The following FSTL5 variants were observed in gnomAD, a reference collection of about 807,000 sequenced individuals.
FSTL5 encodes follistatin-related protein 5.
FSTL5 carries 62 observed loss-of-function variants against 89.1 expected under a neutral mutation model. The ratio of observed to expected loss-of-function variants is 0.70; its 90% confidence interval spans 0.57 to 0.86. The LOEUF is 0.86. FSTL5 is among the 40% of genes least tolerant of loss of function. FSTL5 has a pLI of 0.00. For missense variants in FSTL5, 1,057 were observed against 1,001.6 expected, an observed-to-expected ratio of 1.06 and a Z score of -0.75; for synonymous variants, 383 against 346.2, an observed-to-expected ratio of 1.11 and a Z score of -1.18.
intron 3 of FSTL5, among the ~76,000 whole-genome samples, chr4:162,016,025 C>T (rs1736906920): frequency 6.6e-6 from 1 of 152,122 alleles, no homozygotes; most frequent in Non-Finnish European, 1.5e-5. Context: ...TACTACTTTT[C>T]TCACAGATAC....
chr4:161,431,737 A>G (rs1370934317), intron 15 of FSTL5, among the ~76,000 whole-genome samples: 2 of 152,162 alleles, frequency 1.3e-5, no homozygotes, highest in East Asian at 3.8e-4. Context: ...TCACCAATAA[A>G]GACACACATA....
In FSTL5 at chr4:161,823,233, A is replaced by G. The variant is rs181105535; in HGVS notation, c.410-47159T>C. Among the ~76,000 whole-genome samples, 228 of 152,194 alleles carry G rather than the reference A, an allele frequency of 1.5e-3. 2 individuals are homozygous for G. Among genetic ancestry groups the G allele is most frequent in the Non-Finnish European group, 5.1e-4 (35 of 68,002 alleles). Reference sequence around the variant, plus strand: ...CCTCGCTTGAAGGTCCTGTTTCACCAGGGACCCACCCATTTTCACCCAAGA... The same window carrying G: ...CCTCGCTTGAAGGTCCTGTTTCACCGGGGACCCACCCATTTTCACCCAAGA... On this transcript the variant is annotated intron_variant, in intron 4 of 15. Transcript: ENST00000306100.
chr4:161,793,040 C>A (rs1250670086), intron 4 of FSTL5, among the ~76,000 whole-genome samples: 1 of 152,220 alleles, frequency 6.6e-6, no homozygotes, highest in Non-Finnish European at 1.5e-5. Context: ...AGCTTCTGGG[C>A]ACTATGGCAT....
intron 3 of FSTL5, among the ~76,000 whole-genome samples, chr4:161,999,044 G>A (rs1022558712): frequency 9.2e-5 from 14 of 152,078 alleles, no homozygotes; most frequent in African/African-American, 2.7e-4. Context: ...CTTTCCAGTC[G>A]TGCTCTAAAC....
intron 4 of FSTL5, among the ~76,000 whole-genome samples, chr4:161,877,478 C>A (rs1018450470): frequency 6.6e-6 from 1 of 151,312 alleles, no homozygotes; most frequent in Non-Finnish European, 1.5e-5. Flanking sequence ...CTATAATATA[C>A]ATTTAAATTT....
chr4:161,567,985 G>C (rs1034292250), intron 8 of FSTL5, among the ~76,000 whole-genome samples: 1 of 151,874 alleles, frequency 6.6e-6, no homozygotes, highest in Admixed American at 6.6e-5. Context: ...CCTTTCTCAT[G>C]TGTTGGATCT....
At chr4:161,578,726 G>T (rs1553999478) in intron 8 of FSTL5, among the ~76,000 whole-genome samples, 1 of 151,808 alleles carries the variant, frequency 6.6e-6, no homozygotes, top group South Asian at 2.1e-4. Context: ...AAAGCAGTCA[G>T]ATAAATGAAA....
At chr4:162,046,260 C>G (rs2111241373) in intron 2 of FSTL5, among the ~76,000 whole-genome samples, 1 of 152,204 alleles carries the variant, frequency 6.6e-6, no homozygotes, top group Non-Finnish European at 1.5e-5. Context: ...CTATTACTTA[C>G]AACACAATGT....
intron 7 of FSTL5, among the ~76,000 whole-genome samples, chr4:161,603,762 G>C (rs1734337004): frequency 6.6e-6 from 1 of 152,016 alleles, no homozygotes; most frequent in African/African-American, 2.4e-5. Flanking sequence ...GAACGTCTCC[G>C]AGACAATAAC....
At chr4:162,151,521 A>G (rs943639829) in intron 1 of FSTL5, among the ~76,000 whole-genome samples, 2 of 152,198 alleles carry the variant, frequency 1.3e-5, no homozygotes, top group Admixed American at 1.3e-4. Context: ...GTGACCTGCC[A>G]TATTCTAATG....
intron 8 of FSTL5, among the ~76,000 whole-genome samples, chr4:161,586,871 AAT>A (rs1255646462): frequency 3.9e-5 from 6 of 152,216 alleles, no homozygotes; most frequent in South Asian, 2.1e-4. Context: ...AGTATATTAA[AAT>A]ATATGTTACA....
chr4:161,853,470 G>C (rs982140320), intron 4 of FSTL5, among the ~76,000 whole-genome samples: 7 of 151,836 alleles, frequency 4.6e-5, no homozygotes, highest in Admixed American at 2.6e-4. Flanking sequence ...GTTTCATCAT[G>C]TTGGCCAGGC....
chr4:162,040,246 G>A (rs996675090), intron 2 of FSTL5, among the ~76,000 whole-genome samples: 6 of 152,056 alleles, frequency 3.9e-5, no homozygotes, highest in Non-Finnish European at 7.4e-5. Context: ...TAAGGGAGAA[G>A]TATAAAATAC....
chr4:161,481,227 C>T (rs747491394), intron 12 of FSTL5, 58 bp from the exon 13 acceptor site: 1 of 1,311,126 alleles, frequency 7.6e-7, no homozygotes, highest in African/African-American at 1.5e-5. Context: ...ACATGCCTGA[C>T]AATATCATGG....
intron 3 of FSTL5, among the ~76,000 whole-genome samples, chr4:161,967,387 AAAG>A (rs1024793292): frequency 6.6e-6 from 1 of 151,942 alleles, no homozygotes; most frequent in African/African-American, 2.4e-5. Flanking sequence ...AACAGATACA[AAAG>A]AAAACCACAA....
intron 4 of FSTL5, among the ~76,000 whole-genome samples, chr4:161,833,220 G>C (rs1472539804): frequency 6.6e-6 from 1 of 151,920 alleles, no homozygotes; most frequent in African/African-American, 2.4e-5. Flanking sequence ...CTGAGTTCTA[G>C]TTTGATTGCA....
rs771584413 is a variant in FSTL5 at position 161,386,501 on chromosome 4, G to C, written c.1842-52C>G. ...ACAGGAAGCAATGGAGTTTTTAGCC[G>C]TAAGAAAAAAACTAGATACAGGTGG... On this transcript the variant is annotated intron_variant, in intron 15 of 15. Transcript: ENST00000306100. 3.0e-6 allele frequency: 4 copies of C among 1,334,326 alleles called. 1 individual carries two copies. Among genetic ancestry groups the C allele is most frequent in the East Asian group, 4.8e-5 (2 of 41,938 alleles). 82.7% of individuals were successfully genotyped at this position (1,334,326 alleles called of 1,614,324 possible).
intron 4 of FSTL5, among the ~76,000 whole-genome samples, chr4:161,901,792 G>A (rs760589234): frequency 1.4e-4 from 21 of 152,094 alleles, no homozygotes; most frequent in Non-Finnish European, 1.6e-4. Flanking sequence ...AAAATTAGCC[G>A]GGCGTGGTGG....
Position 161,759,500 on chromosome 4 carries a change from A to G in FSTL5, c.638T>C (p.Leu213Pro), listed in dbSNP as rs745326447. The G allele has an allele frequency of 1.3e-6, 2 of 1,578,192 alleles. No homozygotes were observed. Among genetic ancestry groups the G allele is most frequent in the East Asian group, 4.7e-5 (2 of 42,668 alleles). ...TAGAACATACAAAGTACAATCAAAG[A>G]GATCCTTGCCAAGTTCTTCCTGTTT... ...VIKQEELGKD[L>P]FDCTLYVLLK... Residue 213 changes from leucine (L) to proline (P), a missense_variant, in exon 6 of 16, where the codon CTC becomes CCC. Leu to Pro is a moderately conservative substitution (Grantham distance 98, BLOSUM62 -3). Around this residue, in one of 3 missense-constraint regions of FSTL5, gnomAD observed 980 missense variants for 903.2 expected, o/e 1.08. Coordinates refer to ENST00000306100, the MANE Select transcript of FSTL5 (RefSeq NM_020116.5).
Sources: allele counts gnomAD v4.1 joint callset (sites outside exome capture counted in the v4.1 genomes callset), GRCh38; gene constraint gnomAD v4.1.1; regional missense constraint gnomAD v4.1.1; transcripts MANE v1.5; gene names NCBI Gene and HGNC (gene_info 2026-07-23, HGNC 2026-07-21).